ZNF704: variants seen among roughly 807,000 people sequenced by gnomAD.
ZNF704 encodes the protein zinc finger protein 704, also known as glucocorticoid induced gene 1.
ZNF704 carries 10 observed loss-of-function variants against 44.7 expected under a neutral mutation model. The ratio of observed to expected loss-of-function variants is 0.22; its 90% confidence interval spans 0.14 to 0.38. The LOEUF (loss-of-function observed/expected upper bound fraction) is 0.38, where lower values mean the gene tolerates loss of function less well. ZNF704 is among the 10% of genes least tolerant of loss of function. ZNF704 has a pLI of 1.00. For missense variants in ZNF704, 390 were observed against 545.5 expected (o/e 0.71, Z 2.84); for synonymous variants, 211 against 207.6 (o/e 1.02, Z -0.14).
intron 2 of ZNF704, among the ~76,000 whole-genome samples, chr8:80,793,144 A>C (rs1041571184): frequency 2.6e-5 from 4 of 152,222 alleles, no homozygotes; most frequent in African/African-American, 9.6e-5. Flanking sequence ...AGAAATTTGG[A>C]ATTGAATAAC....
At chr8:80,702,768 C>T (rs899025840) in intron 2 of ZNF704, among the ~76,000 whole-genome samples, 1 of 151,920 alleles carries the variant, frequency 6.6e-6, no homozygotes, top group African/African-American at 2.4e-5. Context: ...GAGAGATGGC[C>T]GAGTCCAAGG....
the ZNF704 span, among the ~76,000 whole-genome samples, chr8:80,880,910 T>C: frequency 6.6e-6 from 1 of 152,254 alleles, no homozygotes; most frequent in Non-Finnish European, 1.5e-5. Flanking sequence ...AGATATAATA[T>C]TTGCTTACCA....
At chr8:80,695,345 C>G (rs1168447281) in intron 2 of ZNF704, among the ~76,000 whole-genome samples, 1 of 152,224 alleles carries the variant, frequency 6.6e-6, no homozygotes, top group African/African-American at 2.4e-5. Context: ...CACATCTCTT[C>G]CAAGACTGAA....
intron 2 of ZNF704, among the ~76,000 whole-genome samples, chr8:80,756,052 T>G (rs1807029292): frequency 6.6e-6 from 1 of 150,382 alleles, no homozygotes; most frequent in Non-Finnish European, 1.5e-5. Flanking sequence ...AAGGCTGCAG[T>G]GAGAAGTGAT....
chr8:80,811,213 CA>C (rs201743045), intron 2 of ZNF704, among the ~76,000 whole-genome samples: 1 of 146,838 alleles, frequency 6.8e-6, no homozygotes, highest in Middle Eastern at 3.6e-3. Flanking sequence ...ATTGAGCATG[CA>C]AAAAAAAAGA....
chr8:80,805,824 C>G (rs1477191044), intron 2 of ZNF704, among the ~76,000 whole-genome samples: 1 of 150,450 alleles, frequency 6.6e-6, no homozygotes, highest in East Asian at 1.9e-4. Flanking sequence ...TGTCCTCCCT[C>G]ACCCTAGGAT....
chr8:80,849,498 T>C (rs1182193131), intron 1 of ZNF704, among the ~76,000 whole-genome samples: 1 of 152,214 alleles, frequency 6.6e-6, no homozygotes, highest in Non-Finnish European at 1.5e-5. Flanking sequence ...TGGAATTTAT[T>C]TCCCACAGAC....
chr8:80,662,629 A>G (rs1470471903), intron 6 of ZNF704, among the ~76,000 whole-genome samples: 1 of 152,204 alleles, frequency 6.6e-6, no homozygotes, highest in African/African-American at 2.4e-5. Context: ...TTTTTCCTCT[A>G]TAGGTGTAAT....
At chr8:80,764,644 T>C (rs1201431393) in intron 2 of ZNF704, among the ~76,000 whole-genome samples, 5 of 152,184 alleles carry the variant, frequency 3.3e-5, no homozygotes, top group Non-Finnish European at 1.5e-5. Context: ...TGGAGAGTGG[T>C]TGTGGTCTGC....
chr8:80,792,229 G>A (rs952594909), intron 2 of ZNF704, among the ~76,000 whole-genome samples: 2 of 152,132 alleles, frequency 1.3e-5, no homozygotes, highest in African/African-American at 4.8e-5. Context: ...AACTGATTAG[G>A]CTCTCTGAGC....
intron 1 of ZNF704, among the ~76,000 whole-genome samples, chr8:80,862,357 A>G (rs1037003555): frequency 1.3e-4 from 20 of 152,096 alleles, no homozygotes; most frequent in African/African-American, 4.6e-4. Flanking sequence ...CTTGTGCTAG[A>G]GTGCAAGAAA....
At chr8:80,681,396 C>A (rs559342949) in intron 4 of ZNF704, among the ~76,000 whole-genome samples, 1 of 152,146 alleles carries the variant, frequency 6.6e-6, no homozygotes, top group South Asian at 2.1e-4. Context: ...TAAAAATACA[C>A]ACTGTATAAT....
rs528183447 is a variant in ZNF704 at position 80,698,738 on chromosome 8, A to G, written c.222-5631T>C. Among the ~76,000 whole-genome samples the G allele has an allele frequency of 1.8e-4, 28 of 152,358 alleles. No individual in the cohort carries two copies. In the South Asian group the frequency reaches 5.8e-3, roughly 32 times the overall value. The stretch of plus-strand genomic sequence containing the variant: ...TACTACATGAAGAGGCAATCAGCGC[A>G]GTGCGCAGCATCAGCAGAGGCAGCC... On this transcript the variant is annotated intron_variant, in intron 2 of 8. Coordinates refer to ENST00000327835, the MANE Select transcript of ZNF704 (RefSeq NM_001033723.3).
chr8:80,836,975 T>G (rs1808594591), intron 1 of ZNF704, among the ~76,000 whole-genome samples: 2 of 152,142 alleles, frequency 1.3e-5, no homozygotes, highest in Non-Finnish European at 2.9e-5. Flanking sequence ...GATACTGATG[T>G]ATCTCCAGGA....
intron 4 of ZNF704, among the ~76,000 whole-genome samples, chr8:80,679,848 C>T (rs915167177): frequency 6.6e-5 from 10 of 152,186 alleles, no homozygotes; most frequent in Non-Finnish European, 1.5e-4. Context: ...ATGTGAGATG[C>T]ATAGCAGCTT....
At position 80,632,944 on chromosome 8, in the gene ZNF704, T is replaced by G. The variant is rs1319150387; in HGVS notation, c.*8422A>C. ...ATGATGTAGGAGTCTGGCCAAAAAG[T>G]TTTTTTTTGAGGCTCCTTCTAGCTC... On this transcript the variant is annotated 3_prime_UTR_variant, in exon 9 of 9. Transcript: ENST00000327835. 1.3e-5 allele frequency: 2 copies of G among 151,606 alleles called. No homozygotes were observed. Among genetic ancestry groups the G allele is most frequent in the African/African-American group, 2.4e-5 (1 of 41,306 alleles). The allele number at this position is 151,606 out of a possible 1,614,324, so 9.4% of individuals were successfully genotyped here. A position where few individuals can be genotyped will look rare whatever the true frequency, so the allele number is the denominator to read the frequency against.
At chr8:80,691,988 G>A (rs1343239955) in intron 3 of ZNF704, among the ~76,000 whole-genome samples, 1 of 151,998 alleles carries the variant, frequency 6.6e-6, no homozygotes, top group Non-Finnish European at 1.5e-5. Context: ...TCTCGATTAT[G>A]TCGTATCTAC....
chr8:80,849,910 T>C (rs762372447), intron 1 of ZNF704, among the ~76,000 whole-genome samples: 2 of 152,260 alleles, frequency 1.3e-5, no homozygotes, highest in African/African-American at 4.8e-5. Flanking sequence ...CAACTTTTTC[T>C]GTTGCTGTCA....
intron 7 of ZNF704, among the ~76,000 whole-genome samples, chr8:80,649,630 T>C (rs1410709600): frequency 6.6e-6 from 1 of 152,204 alleles, no homozygotes; most frequent in African/African-American, 2.4e-5. Context: ...GCACCCGCCA[T>C]TGCCGAGGCT....
Sources: gnomAD v4.1 joint callset for allele counts (sites outside exome capture counted in the v4.1 genomes callset) on GRCh38, gnomAD v4.1.1 for gene constraint, MANE v1.5 for transcripts, NCBI Gene and HGNC (gene_info 2026-07-23, HGNC 2026-07-21) for gene names.